The following FAM184A variants were observed in gnomAD, a reference collection of about 807,000 sequenced individuals.
FAM184A encodes the protein protein FAM184A.
A neutral mutation model predicts 143.8 loss-of-function variants in FAM184A; 99 were observed. That is an observed-to-expected ratio of 0.69 (90% CI 0.58 to 0.81). FAM184A has a LOEUF of 0.81. Ranked by LOEUF, FAM184A falls within the 40% of genes least tolerant of loss-of-function variation. The pLI, the probability that FAM184A is intolerant of heterozygous loss-of-function variation, is 0.00. For missense variants in FAM184A, 1,217 were observed against 1,310.5 expected (o/e 0.93, Z 1.10); for synonymous variants, 427 against 446.4 (o/e 0.96, Z 0.55).
chr6:119,091,973 A>T (rs1397773380), intron 1 of FAM184A, among the ~76,000 whole-genome samples: 2 of 152,196 alleles, frequency 1.3e-5, no homozygotes, highest in East Asian at 3.9e-4. Context: ...GAGTGCCAAG[A>T]ATAGAGGCTG....
At chr6:119,006,038 T>C (rs781424081) in intron 7 of FAM184A, 1 of 760,270 alleles carries the variant, frequency 1.3e-6, no homozygotes, top group Non-Finnish European at 2.4e-6. Context: ...TCAGTACAGA[T>C]GTATTAAGTT....
chr6:119,023,864 T>C, intron 2 of FAM184A, 95 bp downstream of exon 2: 2 of 1,003,044 alleles, frequency 2.0e-6, no homozygotes, highest in Non-Finnish European at 2.8e-6. Flanking sequence ...GTGAAGCCAC[T>C]GATTCTAAGT....
chr6:119,102,008 A>T (rs1788650091), intron 1 of FAM184A, among the ~76,000 whole-genome samples: 1 of 152,184 alleles, frequency 6.6e-6, no homozygotes, highest in South Asian at 2.1e-4. Context: ...GTGAGCCGAG[A>T]TCATACCACT....
intron 1 of FAM184A, among the ~76,000 whole-genome samples, chr6:119,040,229 G>T (rs1228685941): frequency 6.6e-6 from 1 of 152,160 alleles, no homozygotes; most frequent in African/African-American, 2.4e-5. Context: ...AAAGACTGAA[G>T]TTGCTGTGGA....
chr6:119,011,491 C>T (rs1785088402), intron 5 of FAM184A, 60 bp from the exon 6 acceptor site: 1 of 1,057,652 alleles, frequency 9.5e-7, no homozygotes, highest in African/African-American at 1.7e-5. Flanking sequence ...ACTTTGAAGA[C>T]TCTAAGAAAA....
In FAM184A at chr6:119,088,059, A is replaced by G. The variant is rs775498272; in HGVS notation, c.-202+61019T>C. Among the ~76,000 whole-genome samples the G allele has an allele frequency of 3.5e-4, 53 of 152,216 alleles. 1 individual carries two copies. The highest frequency in any genetic ancestry group is 8.5e-4 in the Admixed American group (13 of 15,272). The stretch of plus-strand genomic sequence containing the variant: ...ACTCAAATTCATAGAGACAGAAAGT[A>G]GAATGGTGGTTTCCAGGGGCTAGAA... On this transcript the variant is annotated intron_variant, in intron 1 of 16. Transcript: ENST00000352896.
At chr6:119,140,779 C>T (rs1772208303) in intron 1 of FAM184A, among the ~76,000 whole-genome samples, 2 of 152,220 alleles carry the variant, frequency 1.3e-5, no homozygotes, top group African/African-American at 2.4e-5. Flanking sequence ...CTCTCTTTCT[C>T]TTTCAGAATC....
At chr6:118,970,876 C>G (rs977558049) in intron 14 of FAM184A, among the ~76,000 whole-genome samples, 1 of 151,892 alleles carries the variant, frequency 6.6e-6, no homozygotes, top group Non-Finnish European at 1.5e-5. Flanking sequence ...GGACAACAGG[C>G]CTAAATTACA....
chr6:119,057,262 G>C (rs534233135), intron 1 of FAM184A, among the ~76,000 whole-genome samples: 28 of 152,286 alleles, frequency 1.8e-4, no homozygotes, highest in African/African-American at 6.7e-4. Flanking sequence ...AAAAGACTGG[G>C]AAGTGTCTAA....
chr6:119,034,931 T>C (rs1397992989), intron 1 of FAM184A, among the ~76,000 whole-genome samples: 2 of 152,102 alleles, frequency 1.3e-5, no homozygotes, highest in East Asian at 3.9e-4. Context: ...AAAGGTTTAG[T>C]CCCTAAGACA....
Position 119,078,429 on chromosome 6 carries a change from G to A in FAM184A, c.-130C>T. 1.1e-6 allele frequency: 1 copy of A among 942,046 alleles called. No homozygotes were observed. Among genetic ancestry groups the A allele is most frequent in the Non-Finnish European group, 1.5e-6 (1 of 687,692 alleles). The allele number at this position is 942,046 out of a possible 1,614,324, so 58.4% of individuals were successfully genotyped here. Reference sequence around the variant, plus strand: ...CGACACCCGGCGCCCCCCAGACTCGGCCGCAGGCGCCGTCCCACCCGCGAC... The same window carrying A: ...CGACACCCGGCGCCCCCCAGACTCGACCGCAGGCGCCGTCCCACCCGCGAC... On this transcript the variant is annotated 5_prime_UTR_variant, in exon 1 of 18. Transcript: ENST00000338891. This position sits in a 1 kb window ranked among gnomAD's most constrained non-coding sequence, Gnocchi z 5.5.
At chr6:119,025,683 C>T (rs557315372) in intron 1 of FAM184A, 73 of 498,638 alleles carry the variant, frequency 1.5e-4, no homozygotes, top group East Asian at 9.3e-4. Context: ...TGTGGTCACA[C>T]GGTGAAATTT....
At chr6:119,130,370 G>T (rs534700418) in intron 1 of FAM184A, among the ~76,000 whole-genome samples, 3 of 152,290 alleles carry the variant, frequency 2.0e-5, no homozygotes, top group Admixed American at 1.3e-4. Context: ...AGAAATAAAT[G>T]CCCTAGATTC....
At chr6:119,054,350 C>A (rs1786880656) in intron 1 of FAM184A, among the ~76,000 whole-genome samples, 1 of 152,192 alleles carries the variant, frequency 6.6e-6, no homozygotes, top group African/African-American at 2.4e-5. Context: ...AGAAATTTAT[C>A]TCTTACAGTT....
At chr6:119,146,657 C>A (rs1772444570) in intron 1 of FAM184A, among the ~76,000 whole-genome samples, 2 of 152,060 alleles carry the variant, frequency 1.3e-5, no homozygotes, top group Admixed American at 1.3e-4. Context: ...TTTGCTATAA[C>A]TAGGGTTTCG....
chr6:119,024,664 G>A lies in FAM184A; in HGVS notation c.309C>T (p.Asp103=). Residue 103 remains aspartate (D), a synonymous_variant, in exon 2 of 18, where the codon GAC becomes GAT. Transcript: ENST00000338891. The part of the protein sequence containing the change: ...QYKSKVTEEL[D]LRRKIQVLES... ...CTAAAACTTGAATCTTTCTTCTAAG[G>A]TCTAGCTCCTCTGTTACTTTGCTTT... 1 of 1,613,976 alleles carries A rather than the reference G, an allele frequency of 6.2e-7. No individual in the cohort carries two copies. Among genetic ancestry groups the A allele is most frequent in the Non-Finnish European group, 8.5e-7 (1 of 1,180,000 alleles).
At chr6:119,117,577 C>A (rs528421690) in intron 1 of FAM184A, among the ~76,000 whole-genome samples, 1 of 152,178 alleles carries the variant, frequency 6.6e-6, no homozygotes, top group Non-Finnish European at 1.5e-5. Context: ...TTTGAACATG[C>A]CTGCGACTCA....
upstream of FAM184A, among the ~76,000 whole-genome samples, chr6:119,082,934 G>T (rs965669466): frequency 6.6e-6 from 1 of 152,236 alleles, no homozygotes; most frequent in African/African-American, 2.4e-5. Flanking sequence ...CCTAGCAGAG[G>T]TTCTCCATGA....
At chr6:119,015,753 G>T (rs560383252) in intron 5 of FAM184A, among the ~76,000 whole-genome samples, 88 of 152,382 alleles carry the variant, frequency 5.8e-4, no homozygotes, top group Middle Eastern at 6.8e-3. Flanking sequence ...CTGCAGCCCC[G>T]GTGCGGGATC....
Sources: gnomAD v4.1 joint callset for allele counts (sites outside exome capture counted in the v4.1 genomes callset) on GRCh38, gnomAD v4.1.1 for gene constraint, Gnocchi (gnomAD v3.1) non-coding constraint, MANE v1.5 for transcripts, NCBI Gene and HGNC (gene_info 2026-07-23, HGNC 2026-07-21) for gene names.